Variants in PNPT1 observed in about 807,000 individuals in gnomAD.
The protein encoded by PNPT1 is polyribonucleotide nucleotidyltransferase 1, mitochondrial.
Under a neutral mutation model 119.5 loss-of-function variants are expected in PNPT1, and 53 were observed. The observed-to-expected ratio is 0.44, with a 90% CI of 0.36 to 0.56. PNPT1 has a LOEUF of 0.56. Among genes scored for constraint, PNPT1 ranks in the 20% least tolerant of loss-of-function variants. PNPT1 has a pLI of 0.00. For synonymous variants in PNPT1, 357 were observed against 322.1 expected (o/e 1.11, Z -1.16); for missense variants, 948 against 938.5 (o/e 1.01, Z -0.13).
intron 1 of PNPT1, among the ~76,000 whole-genome samples, chr2:55,691,651 T>A (rs1356716272): frequency 6.6e-6 from 1 of 152,102 alleles, no homozygotes; most frequent in South Asian, 2.1e-4. Flanking sequence ...TCACAGTATG[T>A]GTCTGTTGAA....
intron 18 of PNPT1, among the ~76,000 whole-genome samples, chr2:55,650,975 C>T (rs1696167423): frequency 6.7e-6 from 1 of 149,108 alleles, no homozygotes; most frequent in Non-Finnish European, 1.5e-5. Flanking sequence ...CGGCCAGCCG[C>T]CCCGTCCGGG....
At chr2:55,650,927 C>G (rs1208969378) in intron 18 of PNPT1, among the ~76,000 whole-genome samples, 1 of 150,288 alleles carries the variant, frequency 6.7e-6, no homozygotes, top group Admixed American at 6.6e-5. Context: ...GGCCAGCCGC[C>G]CCGTCCGGGA....
At chr2:55,679,660 T>A in intron 8 of PNPT1, 22 bp downstream of exon 8, 1 of 1,458,536 alleles carries the variant, frequency 6.9e-7, no homozygotes, top group Non-Finnish European at 9.6e-7. Flanking sequence ...CCAGAACAAA[T>A]GTGGTATTTA....
intron 8 of PNPT1, among the ~76,000 whole-genome samples, chr2:55,674,696 C>T (rs1343707304): frequency 6.6e-6 from 1 of 152,144 alleles, no homozygotes; most frequent in Admixed American, 6.5e-5. Flanking sequence ...GAAGCAAAAG[C>T]AAAAATTGTA....
intron 5 of PNPT1, among the ~76,000 whole-genome samples, chr2:55,681,384 G>A (rs1180611640): frequency 5.3e-5 from 8 of 152,086 alleles, no homozygotes; most frequent in Non-Finnish European, 1.0e-4. Context: ...TCCAGCCTGG[G>A]TGCCAGAGTG....
chr2:55,680,674 A>C (rs1697220731), intron 7 of PNPT1, 38 bp downstream of exon 7: 1 of 1,576,456 alleles, frequency 6.3e-7, no homozygotes, highest in South Asian at 1.2e-5. Flanking sequence ...GAAAAAAAAA[A>C]TACACATATG....
chr2:55,689,085 G>GA (rs979133077), intron 1 of PNPT1, among the ~76,000 whole-genome samples: 5 of 151,648 alleles, frequency 3.3e-5, no homozygotes, highest in Admixed American at 6.6e-5. Context: ...AATGACAAAA[G>GA]AAAAAAATAG....
chr2:55,647,995 GC>G (rs914416560), intron 18 of PNPT1, among the ~76,000 whole-genome samples: 1 of 152,138 alleles, frequency 6.6e-6, no homozygotes, highest in Non-Finnish European at 1.5e-5. Flanking sequence ...TCTAACAATA[GC>G]AAACTTTATA....
chr2:55,660,111 T>C (rs373378004), intron 15 of PNPT1, 46 bp downstream of exon 15: 3 of 1,511,198 alleles, frequency 2.0e-6, no homozygotes, highest in Non-Finnish European at 2.7e-6. Flanking sequence ...CTCACAAAAA[T>C]TTATTAATTT....
At chr2:55,659,968 G>A (rs1696511768) in intron 15 of PNPT1, among the ~76,000 whole-genome samples, 189 bp downstream of exon 15, 4 of 152,064 alleles carry the variant, frequency 2.6e-5, no homozygotes, top group Admixed American at 1.3e-4. Flanking sequence ...GCCAATTGTG[G>A]TTGCACAAGC....
intron 8 of PNPT1, among the ~76,000 whole-genome samples, chr2:55,674,476 C>A (rs1422348417): frequency 6.6e-6 from 1 of 152,020 alleles, no homozygotes; most frequent in Non-Finnish European, 1.5e-5. Flanking sequence ...ACCTGTAGTC[C>A]CAGCTACTCA....
At chr2:55,673,337 CAG>C (rs1019400594) in intron 8 of PNPT1, among the ~76,000 whole-genome samples, 12 of 140,096 alleles carry the variant, frequency 8.6e-5, no homozygotes, top group African/African-American at 2.9e-4. Flanking sequence ...AAAAATGAAA[CAG>C]AAAAAAAAAA....
At chr2:55,655,219 G>A (rs1317740766) in intron 17 of PNPT1, among the ~76,000 whole-genome samples, 1 of 152,102 alleles carries the variant, frequency 6.6e-6, no homozygotes, top group Non-Finnish European at 1.5e-5. Context: ...GACAGATAAA[G>A]AGGATTTCTA....
At chr2:55,686,258 C>A in intron 3 of PNPT1, 112 bp downstream of exon 3, 1 of 916,872 alleles carries the variant, frequency 1.1e-6, no homozygotes, top group Non-Finnish European at 1.6e-6. Flanking sequence ...AGGAAAAATT[C>A]TTTGTTGTGC....
chr2:55,693,092 C>A (rs1697672957), intron 1 of PNPT1, among the ~76,000 whole-genome samples: 1 of 152,178 alleles, frequency 6.6e-6, no homozygotes, highest in Non-Finnish European at 1.5e-5. Context: ...TCTCTGCCTT[C>A]CTCTCCCAGG....
rs946524205 is a variant in PNPT1 at position 55,663,384 on chromosome 2, G to C, written c.1177-1358C>G. Among the ~76,000 whole-genome samples the C allele has an allele frequency of 4.6e-5, 7 of 152,288 alleles. No homozygotes were observed. The East Asian group carries it at 1.3e-3, about 29-fold the overall frequency. On this transcript the variant is annotated intron_variant, in intron 13 of 27. Coordinates refer to ENST00000447944, the MANE Select transcript of PNPT1 (RefSeq NM_033109.5). ...CATAGTTGCAGTGACCTATGGGACA[G>C]TATCAAAAGGATAACATATGTGCAG...
At chr2:55,691,880 T>A (rs11695366) in intron 1 of PNPT1, among the ~76,000 whole-genome samples, 177 of 16,584 alleles carry the variant, frequency 0.011, no homozygotes, top group Middle Eastern at 0.031. Context: ...ATATATATAT[T>A]TTTTTTTTTT....
At chr2:55,656,108 A>T (rs770227180) in intron 17 of PNPT1, 23 bp downstream of exon 17, 5 of 1,599,082 alleles carry the variant, frequency 3.1e-6, no homozygotes, top group Non-Finnish European at 4.3e-6. Flanking sequence ...TTCTACTATG[A>T]AAGAAGTATT....
chr2:55,682,656 C>T (rs1272010178), intron 5 of PNPT1, among the ~76,000 whole-genome samples: 3 of 152,036 alleles, frequency 2.0e-5, no homozygotes, highest in Non-Finnish European at 4.4e-5. Context: ...GTCTGTAATA[C>T]CAGCAGTTTG....
Sources: gnomAD v4.1 joint callset for allele counts (sites outside exome capture counted in the v4.1 genomes callset) on GRCh38, gnomAD v4.1.1 for gene constraint, MANE v1.5 for transcripts, NCBI Gene and HGNC (gene_info 2026-07-23, HGNC 2026-07-21) for gene names.